The following ACBD5 variants were observed in gnomAD, a reference collection of about 807,000 sequenced individuals.
The protein encoded by ACBD5 is acyl-CoA binding domain containing 5, also known as acyl-CoA-binding domain-containing protein 5.
A neutral mutation model predicts 71.8 loss-of-function variants in ACBD5; 40 were observed. The observed-to-expected ratio is 0.56, with a 90% CI of 0.43 to 0.72. ACBD5 has a LOEUF of 0.72. Among genes scored for constraint, ACBD5 ranks in the 30% least tolerant of loss-of-function variants. The pLI is 0.00. For synonymous variants in ACBD5, 229 were observed against 218.6 expected (o/e 1.05, Z -0.42); for missense variants, 559 against 644.5 (o/e 0.87, Z 1.44).
At chr10:27,211,615 G>A (rs11015609) in intron 8 of ACBD5, among the ~76,000 whole-genome samples, 13,966 of 152,060 alleles carry the variant, frequency 0.092, 1,397 homozygotes, top group African/African-American at 0.25. Flanking sequence ...CCCCACGCCC[G>A]CCCAGTGAGT....
In ACBD5 at chr10:27,210,896, ATCT is replaced by A. The variant is rs1318273604; in HGVS notation, c.1119_1121del (p.Glu373del). 4 of 1,614,072 alleles carry A rather than the reference ATCT, an allele frequency of 2.5e-6. No individual in the cohort carries two copies. The highest frequency in any genetic ancestry group is 3.4e-6 in the Non-Finnish European group (4 of 1,180,040). The stretch of plus-strand genomic sequence containing the variant: ...GTGGTGCTCCGCTGTTATTCCTGCC[ATCT>A]TCTCCTCCATGCTTGACTTCACCTT... On this transcript the variant is annotated inframe_deletion, in exon 9 of 13. Coordinates refer to ENST00000396271, the MANE Select transcript of ACBD5 (RefSeq NM_145698.5).
chr10:27,237,067 T>C (rs1479836685), intron 2 of ACBD5, among the ~76,000 whole-genome samples: 1 of 152,106 alleles, frequency 6.6e-6, no homozygotes, highest in African/African-American at 2.4e-5. Context: ...CAATCCTTTA[T>C]AAAGCAGAGG....
chr10:27,223,302 A>G, intron 5 of ACBD5, 36 bp downstream of exon 5: 2 of 1,411,832 alleles, frequency 1.4e-6, no homozygotes, highest in South Asian at 2.3e-5. Context: ...ATAATATATC[A>G]GTTGATGAAT....
At chr10:27,207,395 AAG>A (rs1227404959) in intron 10 of ACBD5, among the ~76,000 whole-genome samples, 2 of 152,164 alleles carry the variant, frequency 1.3e-5, no homozygotes, top group African/African-American at 4.8e-5. Context: ...GGTAAAGAGA[AAG>A]ATATTCACAG....
chr10:27,240,273 G>T lies in ACBD5; in HGVS notation c.181+46C>A, dbSNP rs375672147. The T allele has an allele frequency of 3.7e-6, 6 of 1,613,690 alleles. No homozygotes were observed. In the African/African-American group the frequency reaches 6.7e-5, roughly 18 times the overall value. On this transcript the variant is annotated intron_variant, in intron 2 of 12. Coordinates refer to ENST00000396271, the MANE Select transcript of ACBD5 (RefSeq NM_145698.5). The surrounding 1 kb of genome is among the most constrained non-coding windows in gnomAD (Gnocchi z 4.1). The stretch of plus-strand genomic sequence containing the variant: ...AACCAGAAAGTGAAAGGGGGCTTTG[G>T]GGCTCTCTGCAGGAGGCGTCTACAG...
chr10:27,235,383 CTTT>C (rs1265278414), intron 2 of ACBD5, among the ~76,000 whole-genome samples, 171 bp from the exon 3 acceptor site: 9 of 152,178 alleles, frequency 5.9e-5, no homozygotes, highest in East Asian at 1.9e-4. Flanking sequence ...TTGCTTGCTT[CTTT>C]GATTTCAAAA....
chr10:27,203,099 C>T (rs1485436432), intron 12 of ACBD5, among the ~76,000 whole-genome samples: 8 of 151,006 alleles, frequency 5.3e-5, no homozygotes, highest in East Asian at 3.9e-4. Flanking sequence ...CTCAGCCTCC[C>T]GAGTATCTGG....
intron 13 of ACBD5, among the ~76,000 whole-genome samples, chr10:27,188,457 A>G (rs1234688049): frequency 6.6e-6 from 1 of 152,206 alleles, no homozygotes; most frequent in Non-Finnish European, 1.5e-5. Flanking sequence ...GTGGGGATTA[A>G]TAGTGATTAA....
At chr10:27,219,335 C>T (rs1229419740) in intron 6 of ACBD5, among the ~76,000 whole-genome samples, 2 of 151,760 alleles carry the variant, frequency 1.3e-5, no homozygotes, top group East Asian at 1.9e-4. Context: ...AACACTATGC[C>T]TTTATCCTAT....
At chr10:27,220,440 A>T (rs1158021616) in intron 5 of ACBD5, 1 of 152,716 alleles carries the variant, frequency 6.5e-6, no homozygotes, top group East Asian at 1.9e-4. Context: ...TCTCAACTTT[A>T]ATGTGCATAC....
chr10:27,219,185 C>T (rs1468871735), intron 6 of ACBD5, among the ~76,000 whole-genome samples: 1 of 151,888 alleles, frequency 6.6e-6, no homozygotes, highest in Admixed American at 6.6e-5. Context: ...GCCTGTAATC[C>T]CAGCTAATTG....
intron 3 of ACBD5, among the ~76,000 whole-genome samples, chr10:27,234,523 T>C (rs536798720): frequency 6.7e-6 from 1 of 149,532 alleles, no homozygotes; most frequent in Non-Finnish European, 1.5e-5. Flanking sequence ...GAAAACTCCA[T>C]GAAAGTAAAG....
At chr10:27,199,301 C>G (rs2059681808) in intron 12 of ACBD5, among the ~76,000 whole-genome samples, 1 of 151,538 alleles carries the variant, frequency 6.6e-6, no homozygotes, top group South Asian at 2.1e-4. Context: ...AGCTATTCTG[C>G]TGCCTCAGCC....
chr10:27,192,533 A>C (rs2059122470), downstream of ACBD5, among the ~76,000 whole-genome samples: 2 of 152,278 alleles, frequency 1.3e-5, no homozygotes, highest in South Asian at 4.1e-4. Flanking sequence ...TCCATTTAGC[A>C]GCCTCACCAG....
At chr10:27,197,557 C>G in intron 12 of ACBD5, 115 bp from the exon 13 acceptor site, 2 of 826,748 alleles carry the variant, frequency 2.4e-6, no homozygotes, top group South Asian at 1.6e-5. Flanking sequence ...ATATTACCAA[C>G]AGTCTTTATA....
chr10:27,218,742 T>A (rs1055464166), intron 6 of ACBD5, among the ~76,000 whole-genome samples: 1 of 151,956 alleles, frequency 6.6e-6, no homozygotes, highest in African/African-American at 2.4e-5. Context: ...CCCGCCACTA[T>A]GCCTGGCTAA....
chr10:27,217,585 CAG>C (rs1221180985), intron 7 of ACBD5, among the ~76,000 whole-genome samples: 27 of 152,244 alleles, frequency 1.8e-4, no homozygotes, highest in African/African-American at 6.0e-4. Flanking sequence ...GAGGCCAAGG[CAG>C]GCAGATCACT....
At chr10:27,201,411 T>C (rs2136651334) in intron 12 of ACBD5, among the ~76,000 whole-genome samples, 1 of 152,334 alleles carries the variant, frequency 6.6e-6, no homozygotes, top group South Asian at 2.1e-4. Flanking sequence ...ATAAGAAATC[T>C]CTTTTACTTT....
intron 8 of ACBD5, among the ~76,000 whole-genome samples, chr10:27,214,772 T>G (rs1287598639): frequency 6.6e-6 from 1 of 152,182 alleles, no homozygotes; most frequent in Non-Finnish European, 1.5e-5. Flanking sequence ...CAGGCCAGCC[T>G]TGGTGGCTCA....
Sources: allele counts gnomAD v4.1 joint callset (sites outside exome capture counted in the v4.1 genomes callset), GRCh38; gene constraint gnomAD v4.1.1; non-coding constraint Gnocchi (gnomAD v3.1); transcripts MANE v1.5; gene names NCBI Gene and HGNC (gene_info 2026-07-23, HGNC 2026-07-21).